Variants in TBL1XR1 observed in about 807,000 individuals in gnomAD.
TBL1XR1 encodes F-box-like/WD repeat-containing protein TBL1XR1.
TBL1XR1 carries 5 observed loss-of-function variants against 66.9 expected under a neutral mutation model. The observed-to-expected ratio is 0.07, with a 90% confidence interval of 0.04 to 0.16. TBL1XR1 has a LOEUF of 0.16. TBL1XR1 is among the 10% of genes least tolerant of loss of function. TBL1XR1 has a pLI of 1.00. For missense variants in TBL1XR1, 238 were observed against 623.2 expected, an observed-to-expected ratio of 0.38 and a Z score of 6.58; for synonymous variants, 210 against 206.0, an observed-to-expected ratio of 1.02 and a Z score of -0.17.
chr3:177,085,122 C>T (rs1721962914), intron 2 of TBL1XR1, among the ~76,000 whole-genome samples: 1 of 152,120 alleles, frequency 6.6e-6, no homozygotes, highest in African/African-American at 2.4e-5. Context: ...AAGAATAAAT[C>T]CCTAAGAGAG....
intron 1 of TBL1XR1, among the ~76,000 whole-genome samples, chr3:177,151,195 T>G (rs115490238): frequency 0.013 from 1,987 of 152,332 alleles, 20 homozygotes; most frequent in Non-Finnish European, 0.016. Context: ...AATCTGTGAC[T>G]GAGAGCCACA....
At chr3:177,143,199 C>G (rs1400555577) in intron 1 of TBL1XR1, among the ~76,000 whole-genome samples, 1 of 151,908 alleles carries the variant, frequency 6.6e-6, no homozygotes, top group Non-Finnish European at 1.5e-5. Context: ...AGGAAGTTAT[C>G]TTTAAACAGA....
Position 177,143,181 on chromosome 3 carries a change from T to C in TBL1XR1, c.-121-44640A>G, listed in dbSNP as rs566816844. ...AAATGCAATATTAATCAATCAACAA[T>C]ATATATTAGGAAGTTATCTTTAAAC... is the stretch of plus-strand genomic sequence containing the variant. On this transcript the variant is annotated intron_variant, in intron 1 of 15. Coordinates refer to ENST00000457928, the MANE Select transcript of TBL1XR1 (RefSeq NM_024665.7). Among the ~76,000 whole-genome samples the C allele has an allele frequency of 3.2e-4, 49 of 152,016 alleles. No homozygotes were observed. In the South Asian group the frequency reaches 9.6e-3, roughly 30 times the overall value.
chr3:177,051,854 T>A, intron 4 of TBL1XR1, 128 bp from the exon 5 acceptor site: 1 of 1,201,064 alleles, frequency 8.3e-7, no homozygotes, highest in East Asian at 2.7e-5. Flanking sequence ...ACTTTCTGAA[T>A]TCATATAAGA....
intron 2 of TBL1XR1, among the ~76,000 whole-genome samples, chr3:177,066,327 A>C (rs889768672): frequency 3.3e-5 from 5 of 152,170 alleles, no homozygotes; most frequent in East Asian, 1.9e-4. Context: ...CACACAGAAG[A>C]AGCCCTAACT....
At chr3:177,136,535 C>T (rs550930785) in intron 1 of TBL1XR1, among the ~76,000 whole-genome samples, 1 of 152,218 alleles carries the variant, frequency 6.6e-6, no homozygotes, top group Non-Finnish European at 1.5e-5. Flanking sequence ...CCGCCTAGGC[C>T]TCCCAAAGTG....
intron 1 of TBL1XR1, among the ~76,000 whole-genome samples, chr3:177,194,440 CTTT>C (rs556600276): frequency 1.7e-4 from 26 of 152,156 alleles, no homozygotes; most frequent in South Asian, 4.1e-4. Context: ...TCACATTCTT[CTTT>C]ATTCTTTTTA....
Position 177,021,908 on chromosome 3 carries a change from G to C in TBL1XR1, c.*3590C>G, listed in dbSNP as rs574940054. 6.6e-6 allele frequency: 1 copy of C among 152,580 alleles called. No individual in the cohort carries two copies. The highest frequency in any genetic ancestry group is 2.1e-4 in the South Asian group (1 of 4,826). 9.5% of individuals were successfully genotyped at this position (152,580 alleles called of 1,614,324 possible). A position where few individuals can be genotyped will look rare whatever the true frequency, so the allele number is the denominator to read the frequency against. On this transcript the variant is annotated 3_prime_UTR_variant, in exon 16 of 16. Coordinates refer to ENST00000457928, the MANE Select transcript of TBL1XR1 (RefSeq NM_024665.7). ...TAATGAAAATTGTAGCGCTGCATTT[G>C]AGATTTATTTCTCTACTTAGCTAGT... is the stretch of plus-strand genomic sequence containing the variant.
At chr3:177,164,516 A>C (rs1026773250) in intron 1 of TBL1XR1, among the ~76,000 whole-genome samples, 1 of 151,974 alleles carries the variant, frequency 6.6e-6, no homozygotes, top group Non-Finnish European at 1.5e-5. Context: ...TACCTGGCTA[A>C]TTTTTGTATT....
At chr3:177,035,781 A>G (rs1167349895) in intron 12 of TBL1XR1, among the ~76,000 whole-genome samples, 1 of 152,146 alleles carries the variant, frequency 6.6e-6, no homozygotes, top group Non-Finnish European at 1.5e-5. Flanking sequence ...ACACTAACAC[A>G]CAGATATCCT....
chr3:177,173,051 G>A (rs1224239201), intron 1 of TBL1XR1, among the ~76,000 whole-genome samples: 1 of 152,090 alleles, frequency 6.6e-6, no homozygotes, highest in Non-Finnish European at 1.5e-5. Context: ...GCCGGGCGTG[G>A]TGATGCATGC....
chr3:177,187,942 CCTTT>C (rs1560280228), intron 1 of TBL1XR1, among the ~76,000 whole-genome samples: 3 of 129,256 alleles, frequency 2.3e-5, no homozygotes, highest in Non-Finnish European at 3.0e-5. Context: ...AGTACAATTT[CCTTT>C]TTTTTTTTTT....
intron 14 of TBL1XR1, among the ~76,000 whole-genome samples, chr3:177,031,874 G>A (rs989649604): frequency 6.6e-6 from 1 of 151,874 alleles, no homozygotes; most frequent in Non-Finnish European, 1.5e-5. Context: ...ATTACAAAGG[G>A]TTTAGTTTTT....
intron 3 of TBL1XR1, among the ~76,000 whole-genome samples, 187 bp downstream of exon 3, chr3:177,064,733 G>A (rs375945380): frequency 6.7e-6 from 1 of 149,950 alleles, no homozygotes; most frequent in Non-Finnish European, 1.5e-5. Context: ...TGCCTTGTTT[G>A]CAACATATTT....
At chr3:177,179,061 G>A (rs1270589679) in intron 1 of TBL1XR1, among the ~76,000 whole-genome samples, 1 of 146,298 alleles carries the variant, frequency 6.8e-6, no homozygotes, top group Non-Finnish European at 1.5e-5. Flanking sequence ...CAATTGCAGT[G>A]AGCCAAGATC....
intron 14 of TBL1XR1, 33 bp from the exon 15 acceptor site, chr3:177,026,507 G>A (rs767060216): frequency 5.1e-5 from 74 of 1,450,280 alleles, no homozygotes; most frequent in South Asian, 2.1e-4. Context: ...CTTAAAAATC[G>A]TAATACATAT....
intron 2 of TBL1XR1, among the ~76,000 whole-genome samples, chr3:177,070,829 A>G (rs1719880678): frequency 6.6e-6 from 1 of 151,814 alleles, no homozygotes; most frequent in Non-Finnish European, 1.5e-5. Flanking sequence ...CTGGGCAGCT[A>G]AGCAAGACTC....
At chr3:177,118,859 A>C (rs1441231344) in intron 1 of TBL1XR1, among the ~76,000 whole-genome samples, 1 of 152,254 alleles carries the variant, frequency 6.6e-6, no homozygotes, top group African/African-American at 2.4e-5. Flanking sequence ...GTAACCATTC[A>C]GGCATATTGC....
In TBL1XR1 at chr3:177,171,702, C is replaced by CAAAAAA. The variant is rs34278942; in HGVS notation, c.-122+25413_-122+25418dup. Among the ~76,000 whole-genome samples the CAAAAAA allele has an allele frequency of 1.1e-3, 54 of 47,282 alleles. 4 individuals are homozygous for CAAAAAA. The highest frequency in any genetic ancestry group is 0.01 in the Admixed American group (27 of 2,688). The allele number at this position is 47,282 out of a possible 152,430, so 31.0% of individuals were successfully genotyped here. ...TGGGCAACAGAGCCAGACTCCGTCT[C>CAAAAAA]AAAAAAAAAAAAAAAAAAAAAAAAA... On this transcript the variant is annotated intron_variant, in intron 1 of 15. Coordinates refer to ENST00000457928, the MANE Select transcript of TBL1XR1 (RefSeq NM_024665.7).
Sources: gnomAD v4.1 joint callset for allele counts (sites outside exome capture counted in the v4.1 genomes callset) on GRCh38, gnomAD v4.1.1 for gene constraint, MANE v1.5 for transcripts, NCBI Gene and HGNC (gene_info 2026-07-23, HGNC 2026-07-21) for gene names.